The following CADPS variants were observed in gnomAD, a reference collection of about 807,000 sequenced individuals.
The protein encoded by CADPS is calcium dependent secretion activator.
Under a neutral mutation model 167.3 loss-of-function variants are expected in CADPS, and 57 were observed. The observed-to-expected ratio is 0.34, with a 90% CI of 0.28 to 0.42. The LOEUF is 0.42. Among genes scored for constraint, CADPS ranks in the 20% least tolerant of loss-of-function variants. The probability of loss-of-function intolerance (pLI) is 1.00; values close to 1 mark genes in which losing one functional copy is unlikely to be tolerated. For missense variants in CADPS, 1,414 were observed against 1,738.1 expected, an observed-to-expected ratio of 0.81 and a Z score of 3.32; for synonymous variants, 676 against 635.3, an observed-to-expected ratio of 1.06 and a Z score of -0.96.
chr3:62,686,492 T>A (rs149504189), intron 3 of CADPS, among the ~76,000 whole-genome samples: 2 of 152,156 alleles, frequency 1.3e-5, no homozygotes, highest in East Asian at 3.9e-4. Context: ...GAAGTTTTTC[T>A]CTTTTTTGTC....
At chr3:62,545,146 T>C (rs577865283) in intron 11 of CADPS, among the ~76,000 whole-genome samples, 2 of 152,270 alleles carry the variant, frequency 1.3e-5, no homozygotes, top group East Asian at 3.9e-4. Flanking sequence ...TTAACAGTTA[T>C]TAGTTGAGAA....
intron 1 of CADPS, among the ~76,000 whole-genome samples, chr3:62,787,802 A>G (rs1182142253): frequency 6.6e-6 from 1 of 152,192 alleles, no homozygotes; most frequent in Admixed American, 6.5e-5. Flanking sequence ...CTGCATGACT[A>G]TTATAAAGAT....
At chr3:62,852,740 G>A (rs2078883747) in intron 1 of CADPS, among the ~76,000 whole-genome samples, 1 of 152,048 alleles carries the variant, frequency 6.6e-6, no homozygotes, top group South Asian at 2.1e-4. Context: ...TCAGGCCTCA[G>A]TTCAAAAGCC....
intron 1 of CADPS, among the ~76,000 whole-genome samples, chr3:62,781,471 C>T (rs934930733): frequency 4.6e-5 from 7 of 152,172 alleles, no homozygotes; most frequent in Non-Finnish European, 1.0e-4. Flanking sequence ...TACGCTGAAT[C>T]AGCCTCCTGG....
At position 62,804,888 on chromosome 3, in the gene CADPS, A is replaced by G. The variant is rs185671370; in HGVS notation, c.442-38904T>C. Among the ~76,000 whole-genome samples, 170 of 152,326 alleles carry G rather than the reference A, an allele frequency of 1.1e-3. 1 individual carries two copies. The highest frequency in any genetic ancestry group is 3.9e-3 in the African/African-American group (161 of 41,570). ...GACCTTATAATGGGAAGAGGAGGAC[A>G]AAAATCTCAAATTTACTGAGAGTGA... is the stretch of plus-strand genomic sequence containing the variant. On this transcript the variant is annotated intron_variant, in intron 1 of 29. Transcript: ENST00000383710.
rs146882102 is a variant in CADPS at position 62,687,854 on chromosome 3, G to C, written c.889-25460C>G. Among the ~76,000 whole-genome samples the C allele has an allele frequency of 3.7e-3, 555 of 150,102 alleles. 6 individuals are homozygous for C. The highest frequency in any genetic ancestry group is 0.013 in the African/African-American group (522 of 40,856). ...TCAAATATATTAGACCACCTAAACT[G>C]CGTAATAATACTGTGAAGCAGGTGC... On this transcript the variant is annotated intron_variant, in intron 3 of 29. Transcript: ENST00000383710.
intron 5 of CADPS, among the ~76,000 whole-genome samples, chr3:62,650,212 G>C (rs1368163746): frequency 6.6e-6 from 1 of 152,182 alleles, no homozygotes; most frequent in Non-Finnish European, 1.5e-5. Context: ...TCCTAGCTCA[G>C]TAGATCTGGG....
intron 28 of CADPS, among the ~76,000 whole-genome samples, chr3:62,427,722 G>A (rs929646162): frequency 3.9e-5 from 6 of 152,110 alleles, no homozygotes; most frequent in Non-Finnish European, 7.3e-5. Flanking sequence ...CTCTTTAACA[G>A]GATGATTTCC....
chr3:62,491,534 A>G lies in CADPS; in HGVS notation c.2885-54T>C, dbSNP rs1018223850. 343 of 1,210,446 alleles carry G rather than the reference A, an allele frequency of 2.8e-4. 1 individual carries two copies. The highest frequency in any genetic ancestry group is 3.7e-4 in the Non-Finnish European group (322 of 866,274). 75.0% of individuals were successfully genotyped at this position (1,210,446 alleles called of 1,614,324 possible). On this transcript the variant is annotated intron_variant, in intron 20 of 29. Coordinates refer to ENST00000383710, the MANE Select transcript of CADPS (RefSeq NM_003716.4). ...GAACCCACAGCTACTTTATCAACGT[A>G]CAACACACACACACACACACACAAA...
At chr3:62,463,234 A>G (rs781511608) in intron 26 of CADPS, among the ~76,000 whole-genome samples, 11 of 152,132 alleles carry the variant, frequency 7.2e-5, no homozygotes, top group Non-Finnish European at 1.6e-4. Context: ...CCACCTTCCC[A>G]TAGTCCTCTT....
intron 19 of CADPS, among the ~76,000 whole-genome samples, chr3:62,492,972 A>G (rs2063995788): frequency 6.6e-6 from 1 of 152,234 alleles, no homozygotes; most frequent in Admixed American, 6.5e-5. Context: ...TTTCATACTA[A>G]GTCAAAGAAA....
rs543025492 is a variant in CADPS at position 62,540,196 on chromosome 3, T to C, written c.1967-3615A>G. On this transcript the variant is annotated intron_variant, in intron 11 of 29. Transcript: ENST00000383710. ...CTTCTTTGCTTCTTAAACCTTATCATTTCTAGGAAGCTGGGAGTCCTTCCC... is the reference window on the plus strand; with the variant it reads ...CTTCTTTGCTTCTTAAACCTTATCACTTCTAGGAAGCTGGGAGTCCTTCCC... 1.8e-3 allele frequency among the ~76,000 whole-genome samples: 271 copies of C among 152,268 alleles called. 3 individuals carry two copies. The highest frequency in any genetic ancestry group is 5.3e-3 in the African/African-American group (220 of 41,564).
At chr3:62,619,852 A>G (rs1359317354) in intron 6 of CADPS, among the ~76,000 whole-genome samples, 1 of 152,060 alleles carries the variant, frequency 6.6e-6, no homozygotes, top group Non-Finnish European at 1.5e-5. Context: ...CCTTTCCCCT[A>G]GTGACTGCTC....
chr3:62,781,760 T>G (rs2091682690), intron 1 of CADPS, among the ~76,000 whole-genome samples: 1 of 151,898 alleles, frequency 6.6e-6, no homozygotes, highest in South Asian at 2.1e-4. Flanking sequence ...GGCAAGATGG[T>G]AGGGGAGATA....
At chr3:62,539,370 T>A (rs1450885598) in intron 11 of CADPS, among the ~76,000 whole-genome samples, 1 of 152,134 alleles carries the variant, frequency 6.6e-6, no homozygotes, top group Non-Finnish European at 1.5e-5. Flanking sequence ...GCGAGCCACC[T>A]CTGGATTTTA....
chr3:62,416,295 A>G (rs2050048515), intron 28 of CADPS, among the ~76,000 whole-genome samples: 1 of 152,214 alleles, frequency 6.6e-6, no homozygotes, highest in African/African-American at 2.4e-5. Context: ...GCCTATTATT[A>G]TGTGCTTTAA....
intron 1 of CADPS, among the ~76,000 whole-genome samples, chr3:62,856,726 A>G (rs1342077442): frequency 6.6e-6 from 1 of 151,996 alleles, no homozygotes; most frequent in Non-Finnish European, 1.5e-5. Context: ...TGCATTTGAC[A>G]TTTGCATTAT....
chr3:62,786,957 A>C (rs1435213069), intron 1 of CADPS, among the ~76,000 whole-genome samples: 1 of 152,092 alleles, frequency 6.6e-6, no homozygotes, highest in Non-Finnish European at 1.5e-5. Flanking sequence ...GAATCTAAGG[A>C]TATTTCTGAG....
intron 24 of CADPS, among the ~76,000 whole-genome samples, chr3:62,469,917 T>C (rs1468664056): frequency 2.0e-5 from 3 of 152,198 alleles, no homozygotes; most frequent in Admixed American, 6.5e-5. Flanking sequence ...TTGCTTCTGA[T>C]GGGCTGAGGT....
Sources: allele counts gnomAD v4.1 joint callset (sites outside exome capture counted in the v4.1 genomes callset), GRCh38; gene constraint gnomAD v4.1.1; transcripts MANE v1.5; gene names NCBI Gene and HGNC (gene_info 2026-07-23, HGNC 2026-07-21).